Variants in PCDHA2 observed in about 807,000 individuals in gnomAD.
PCDHA2 encodes the protein protocadherin alpha 2.
A neutral mutation model predicts 66.0 loss-of-function variants in PCDHA2; 58 were observed. That is an observed-to-expected ratio of 0.88 (90% CI 0.71 to 1.09). PCDHA2 has a LOEUF of 1.09. Among genes scored for constraint, PCDHA2 ranks in the 50% least tolerant of loss-of-function variants. The pLI, the probability that PCDHA2 is intolerant of heterozygous loss-of-function variation, is 0.00. For missense variants in PCDHA2, 1,267 were observed against 1,242.3 expected (o/e 1.02, Z -0.30); for synonymous variants, 634 against 554.0 (o/e 1.14, Z -2.03).
chr5:140,927,862 G>T, intron 1 of PCDHA2: 1 of 1,614,200 alleles, frequency 6.2e-7, no homozygotes. Context: ...AGCTAGCACC[G>T]CTAAACTGCT....
At chr5:140,882,844 A>G in intron 1 of PCDHA2, 1 of 1,614,248 alleles carries the variant, frequency 6.2e-7, no homozygotes, top group Non-Finnish European at 8.5e-7. Flanking sequence ...TGTCTTCATT[A>G]TCACTTGTAC....
At chr5:140,936,144 T>C (rs1386720304) in intron 1 of PCDHA2, among the ~76,000 whole-genome samples, 2 of 152,158 alleles carry the variant, frequency 1.3e-5, no homozygotes, top group African/African-American at 4.8e-5. Flanking sequence ...CTGCCCGCCT[T>C]GGCCTCCTAA....
intron 1 of PCDHA2, chr5:140,842,145 G>T (rs2150330392): frequency 6.2e-7 from 1 of 1,613,710 alleles, no homozygotes; most frequent in Non-Finnish European, 8.5e-7. Context: ...GGAGCCAATG[G>T]GGCAATTTCA....
chr5:140,939,349 TA>T (rs1233387801), intron 1 of PCDHA2, among the ~76,000 whole-genome samples: 4 of 152,154 alleles, frequency 2.6e-5, no homozygotes, highest in Admixed American at 6.5e-5. Context: ...CATTTCAACT[TA>T]TGATTGCAAA....
At position 140,794,956 on chromosome 5, in the gene PCDHA2, G is replaced by T. The variant is rs1554119206; in HGVS notation, c.-9G>T. On this transcript the variant is annotated 5_prime_UTR_variant, in exon 1 of 4. It adds an upstream start codon to the 5' untranslated region. Coordinates refer to ENST00000526136, the MANE Select transcript of PCDHA2 (RefSeq NM_018905.3). ...TCTTCTAATTTGATCAAAACATTGAGGATTGGTAATGGCGTCTTCTATCAG... is the reference window on the plus strand; with the variant it reads ...TCTTCTAATTTGATCAAAACATTGATGATTGGTAATGGCGTCTTCTATCAG... 1 of 1,599,988 alleles carries T rather than the reference G, an allele frequency of 6.3e-7. No individual in the cohort carries two copies.
intron 3 of PCDHA2, among the ~76,000 whole-genome samples, chr5:141,003,468 C>T (rs2098126270): frequency 6.6e-6 from 1 of 152,066 alleles, no homozygotes; most frequent in Non-Finnish European, 1.5e-5. Context: ...TGCACCACCA[C>T]AGTCTCGCTA....
chr5:140,904,685 G>A (rs2071317723), intron 1 of PCDHA2, among the ~76,000 whole-genome samples: 1 of 152,104 alleles, frequency 6.6e-6, no homozygotes, highest in African/African-American at 2.4e-5. Context: ...CCCACCAGCA[G>A]TGTAAAATTG....
At chr5:140,856,541 G>GCATT in intron 1 of PCDHA2, 4 of 1,598,164 alleles carry the variant, frequency 2.5e-6, no homozygotes, top group Non-Finnish European at 3.4e-6. Flanking sequence ...TGGAGAGAAC[G>GCATT]CATTGCTTAC....
At chr5:140,902,313 C>T (rs2069368502) in intron 1 of PCDHA2, among the ~76,000 whole-genome samples, 1 of 150,820 alleles carries the variant, frequency 6.6e-6, no homozygotes, top group African/African-American at 2.4e-5. Context: ...GCTGGGATTA[C>T]AGGTGTAACT....
chr5:140,924,886 A>G (rs190850675), intron 1 of PCDHA2, among the ~76,000 whole-genome samples: 11 of 137,270 alleles, frequency 8.0e-5, no homozygotes, highest in Admixed American at 3.0e-4. Context: ...CAGAGCAAGA[A>G]CCTGTCTCAA....
intron 3 of PCDHA2, among the ~76,000 whole-genome samples, chr5:140,983,739 G>T (rs983923811): frequency 5.3e-5 from 8 of 152,194 alleles, no homozygotes; most frequent in African/African-American, 1.9e-4. Context: ...TGGCTGGCTT[G>T]CAATAATCCA....
At chr5:140,917,352 C>G (rs2078160172) in intron 1 of PCDHA2, among the ~76,000 whole-genome samples, 1 of 141,764 alleles carries the variant, frequency 7.1e-6, no homozygotes, top group African/African-American at 2.6e-5. Context: ...GTGTAGGCTT[C>G]TGTTCCACTA....
intron 1 of PCDHA2, among the ~76,000 whole-genome samples, chr5:140,933,480 G>A (rs1255769578): frequency 6.6e-6 from 1 of 151,846 alleles, no homozygotes; most frequent in East Asian, 1.9e-4. Context: ...ACACATTATG[G>A]TTATTCTTTA....
chr5:140,942,733 T>C (rs1344147840), intron 1 of PCDHA2, among the ~76,000 whole-genome samples: 1 of 152,184 alleles, frequency 6.6e-6, no homozygotes, highest in Non-Finnish European at 1.5e-5. Context: ...TTGAAAAATA[T>C]TTTAAAATCT....
intron 1 of PCDHA2, chr5:140,863,164 G>C (rs781940637): frequency 1.7e-5 from 11 of 661,132 alleles, no homozygotes; most frequent in Non-Finnish European, 3.0e-5. Context: ...CTGCGAGCTG[G>C]CGCTGACTGC....
At chr5:140,937,386 G>T (rs1450799946) in intron 1 of PCDHA2, among the ~76,000 whole-genome samples, 2 of 152,092 alleles carry the variant, frequency 1.3e-5, no homozygotes, top group African/African-American at 4.8e-5. Context: ...GTGTGTATGT[G>T]TATATAGGGG....
chr5:140,885,310 G>T (rs1554182115), intron 1 of PCDHA2, among the ~76,000 whole-genome samples: 1 of 152,038 alleles, frequency 6.6e-6, no homozygotes. Context: ...TAGGCTTTTT[G>T]TTATTATTTC....
intron 1 of PCDHA2, chr5:140,866,442 T>C (rs2049360062): frequency 6.6e-6 from 1 of 151,872 alleles, no homozygotes; most frequent in Non-Finnish European, 1.5e-5. Flanking sequence ...TCTTCTTCAG[T>C]CTTATTGTTG....
In PCDHA2 at chr5:140,850,341, G is replaced by T. The variant is rs146727140; in HGVS notation, c.2388+52989G>T. 29 of 1,597,748 alleles carry T rather than the reference G, an allele frequency of 1.8e-5. 2 individuals are homozygous for T. The highest frequency in any genetic ancestry group is 2.4e-5 in the Non-Finnish European group (28 of 1,167,702). Reference sequence around the variant, plus strand: ...TTCATACGAGCTGCAGCCAGAAACGGCCAGCGCGAGCATCCCGTTCCGCGT... The same window carrying T: ...TTCATACGAGCTGCAGCCAGAAACGTCCAGCGCGAGCATCCCGTTCCGCGT... On this transcript the variant is annotated intron_variant, in intron 1 of 3. Transcript: ENST00000526136.
Sources: allele counts gnomAD v4.1 joint callset (sites outside exome capture counted in the v4.1 genomes callset), GRCh38; gene constraint gnomAD v4.1.1; transcripts MANE v1.5; gene names NCBI Gene and HGNC (gene_info 2026-07-23, HGNC 2026-07-21).